ABCA13: variants seen among roughly 807,000 people sequenced by gnomAD.
ABCA13 encodes the protein ATP binding cassette subfamily A member 13.
Under a neutral mutation model 478.7 loss-of-function variants are expected in ABCA13, and 476 were observed. That is an observed-to-expected ratio of 0.99 (90% confidence interval 0.92 to 1.07). The LOEUF (loss-of-function observed/expected upper bound fraction) is 1.07, where lower values mean the gene tolerates loss of function less well. ABCA13 is among the 50% of genes least tolerant of loss of function. The pLI is 0.00. For synonymous variants in ABCA13, 2,252 were observed against 2,158.9 expected (o/e 1.04, Z -1.20); for missense variants, 6,060 against 5,910.6 (o/e 1.03, Z -0.83).
intron 1 of ABCA13, among the ~76,000 whole-genome samples, chr7:48,190,512 G>A (rs1796959877): frequency 6.6e-6 from 1 of 152,086 alleles, no homozygotes; most frequent in African/African-American, 2.4e-5. Context: ...TATTTCAATA[G>A]TGTCATGTAA....
intron 41 of ABCA13, among the ~76,000 whole-genome samples, 184 bp downstream of exon 41, chr7:48,412,767 A>T (rs776312129): frequency 6.8e-6 from 1 of 147,168 alleles, no homozygotes; most frequent in Non-Finnish European, 1.5e-5. Flanking sequence ...CAGGCCTGAC[A>T]GGTGGCAATT....
intron 35 of ABCA13, among the ~76,000 whole-genome samples, chr7:48,376,881 AG>A (rs1355687804): frequency 6.6e-6 from 1 of 151,412 alleles, no homozygotes; most frequent in Non-Finnish European, 1.5e-5. Flanking sequence ...TTTCTCAGAG[AG>A]TGTTTGGGGA....
intron 31 of ABCA13, among the ~76,000 whole-genome samples, chr7:48,361,669 A>T (rs2129005254): frequency 6.6e-6 from 1 of 151,832 alleles, no homozygotes; most frequent in East Asian, 1.9e-4. Context: ...TATATTTAAC[A>T]TAAGGTAATG....
rs764769485 is a variant in ABCA13, at chr7:48,412,544, C to T, written c.12420C>T (p.His4140=). 3 of 1,612,630 alleles carry T rather than the reference C, an allele frequency of 1.9e-6. No homozygotes were observed. The highest frequency in any genetic ancestry group is 2.5e-6 in the Non-Finnish European group (3 of 1,179,460). ...TGGATGAGAACCTGCATCAGCTGCA[C>T]CTGACGGGCTATGGGATCTCAGACA... The part of the protein sequence containing the change: ...QALDENLHQL[H]LTGYGISDTT... The change falls in exon 41 of 62, where the codon CAC becomes CAT. Residue 4140 remains histidine, a synonymous_variant. Coordinates refer to ENST00000435803, the MANE Select transcript of ABCA13 (RefSeq NM_152701.5).
intron 20 of ABCA13, among the ~76,000 whole-genome samples, chr7:48,292,051 T>C (rs1798614320): frequency 6.6e-6 from 1 of 152,150 alleles, no homozygotes; most frequent in Non-Finnish European, 1.5e-5. Context: ...GCAGATTCAT[T>C]TGCAACCTAA....
intron 35 of ABCA13, among the ~76,000 whole-genome samples, chr7:48,386,523 T>C (rs545391767): frequency 6.6e-6 from 1 of 152,310 alleles, no homozygotes; most frequent in African/African-American, 2.4e-5. Flanking sequence ...AGCATGGTTC[T>C]GGTACAAGAA....
chr7:48,543,556 G>A (rs553041468), intron 55 of ABCA13, among the ~76,000 whole-genome samples: 9 of 151,518 alleles, frequency 5.9e-5, no homozygotes, highest in Admixed American at 2.0e-4. Context: ...CCCAGGAGTC[G>A]GAGGTTGCAG....
intron 55 of ABCA13, among the ~76,000 whole-genome samples, chr7:48,571,764 A>G (rs1243629131): frequency 6.6e-6 from 1 of 152,200 alleles, no homozygotes; most frequent in Non-Finnish European, 1.5e-5. Context: ...AATCTTTATA[A>G]CTTTCTTTTT....
chr7:48,620,644 T>A (rs1184059726), intron 59 of ABCA13, among the ~76,000 whole-genome samples: 1 of 152,168 alleles, frequency 6.6e-6, no homozygotes, highest in Non-Finnish European at 1.5e-5. Flanking sequence ...CCCAGAGACA[T>A]GGAACACACT....
intron 3 of ABCA13, among the ~76,000 whole-genome samples, chr7:48,217,194 C>G (rs1786614799): frequency 6.6e-6 from 1 of 152,182 alleles, no homozygotes; most frequent in South Asian, 2.1e-4. Context: ...TGACCTAGTA[C>G]TGTCCTCAGA....
intron 57 of ABCA13, 121 bp from the exon 58 acceptor site, chr7:48,594,589 G>T (rs149371259): frequency 7.4e-6 from 6 of 812,254 alleles, no homozygotes; most frequent in African/African-American, 3.4e-5. Context: ...AATTGGAGAG[G>T]TGTCTTTTAG....
intron 37 of ABCA13, among the ~76,000 whole-genome samples, chr7:48,390,493 C>T (rs1815879471): frequency 6.6e-6 from 1 of 152,106 alleles, no homozygotes. Flanking sequence ...AATTTTTGTG[C>T]AGTAAACAGT....
intron 48 of ABCA13, among the ~76,000 whole-genome samples, chr7:48,492,508 AT>A (rs1829926251): frequency 6.6e-6 from 1 of 152,180 alleles, no homozygotes; most frequent in African/African-American, 2.4e-5. Context: ...TCATTGCTGT[AT>A]TTTAAATGTG....
intron 42 of ABCA13, among the ~76,000 whole-genome samples, chr7:48,430,671 C>CT (rs1346257035): frequency 7.0e-5 from 4 of 57,078 alleles, no homozygotes; most frequent in African/African-American, 1.0e-4. Context: ...AAGACTCCGT[C>CT]TAAAAAAAAA....
chr7:48,528,829 G>A (rs10258981), intron 55 of ABCA13, among the ~76,000 whole-genome samples: 33,097 of 151,990 alleles, frequency 0.22, 4,102 homozygotes, highest in South Asian at 0.32. Flanking sequence ...CCAAGAAAGC[G>A]GCCTCTAGGG....
intron 5 of ABCA13, among the ~76,000 whole-genome samples, chr7:48,225,218 T>TTCCC (rs896683100): frequency 5.4e-5 from 8 of 148,644 alleles, no homozygotes; most frequent in East Asian, 2.0e-4. Flanking sequence ...ACTTCCTTCC[T>TTCCC]TCCCTCCCTC....
At chr7:48,355,493 G>A (rs765315937) in intron 31 of ABCA13, among the ~76,000 whole-genome samples, 1 of 151,988 alleles carries the variant, frequency 6.6e-6, no homozygotes, top group Non-Finnish European at 1.5e-5. Context: ...GGAGAGTTTC[G>A]AGCAGGAGTG....
At chr7:48,322,766 C>G (rs888372175) in intron 27 of ABCA13, among the ~76,000 whole-genome samples, 2 of 152,014 alleles carry the variant, frequency 1.3e-5, no homozygotes, top group African/African-American at 4.8e-5. Context: ...GGCTTTTTTT[C>G]GGTCGACAGC....
intron 58 of ABCA13, among the ~76,000 whole-genome samples, chr7:48,604,609 C>T (rs553500824): frequency 4.6e-5 from 7 of 151,912 alleles, no homozygotes; most frequent in South Asian, 2.1e-4. Context: ...TTATGATTTC[C>T]GTTCTTTTGC....
Sources: allele counts gnomAD v4.1 joint callset (sites outside exome capture counted in the v4.1 genomes callset), GRCh38; gene constraint gnomAD v4.1.1; transcripts MANE v1.5; gene names NCBI Gene and HGNC (gene_info 2026-07-23, HGNC 2026-07-21).